Variants in PLCB1 observed in about 807,000 individuals in gnomAD.
The protein encoded by PLCB1 is 1-phosphatidylinositol 4,5-bisphosphate phosphodiesterase beta-1.
Under a neutral mutation model 161.8 loss-of-function variants are expected in PLCB1, and 46 were observed. That is an observed-to-expected ratio of 0.28 (90% CI 0.22 to 0.36). The LOEUF (loss-of-function observed/expected upper bound fraction) is 0.36. Among genes scored for constraint, PLCB1 ranks in the 10% least tolerant of loss-of-function variants. The probability of loss-of-function intolerance (pLI) is 1.00; values close to 1 mark genes in which losing one functional copy is unlikely to be tolerated. For missense variants in PLCB1, 1,016 were observed against 1,472.5 expected, an observed-to-expected ratio of 0.69 and a Z score of 5.07; for synonymous variants, 517 against 503.7, an observed-to-expected ratio of 1.03 and a Z score of -0.35.
intron 4 of PLCB1, among the ~76,000 whole-genome samples, chr20:8,644,455 TG>T (rs1286921308): frequency 6.8e-6 from 1 of 148,136 alleles, no homozygotes; most frequent in African/African-American, 2.5e-5. Context: ...CCGCCCCATC[TG>T]GGATGTGAGG....
intron 2 of PLCB1, among the ~76,000 whole-genome samples, chr20:8,213,967 C>T (rs909768352): frequency 1.1e-4 from 17 of 152,008 alleles, no homozygotes; most frequent in African/African-American, 4.1e-4. Flanking sequence ...TTTAGTGTCA[C>T]AACTAGCAGT....
chr20:8,317,752 T>C (rs1984724943), intron 2 of PLCB1, among the ~76,000 whole-genome samples: 1 of 152,192 alleles, frequency 6.6e-6, no homozygotes, highest in South Asian at 2.1e-4. Context: ...CTAATCATTA[T>C]CCTTATTTCC....
intron 3 of PLCB1, among the ~76,000 whole-genome samples, chr20:8,580,352 T>C (rs561033514): frequency 6.6e-6 from 1 of 152,348 alleles, no homozygotes; most frequent in South Asian, 2.1e-4. Context: ...AGTCATGTAG[T>C]TACGCTGTGA....
At chr20:8,361,774 A>AG (rs775200222) in intron 2 of PLCB1, among the ~76,000 whole-genome samples, 18 of 152,332 alleles carry the variant, frequency 1.2e-4, no homozygotes, top group Admixed American at 2.0e-4. Context: ...GATGATTCAA[A>AG]GGGGAAATCT....
chr20:8,685,185 G>A (rs558995197), intron 10 of PLCB1, 107 bp downstream of exon 10: 21 of 1,091,656 alleles, frequency 1.9e-5, no homozygotes, highest in Middle Eastern at 2.2e-4. Flanking sequence ...CATTTCCTGC[G>A]AAGTGCCTCT....
chr20:8,544,699 C>T (rs373404807), intron 3 of PLCB1, among the ~76,000 whole-genome samples: 3 of 152,168 alleles, frequency 2.0e-5, no homozygotes, highest in Non-Finnish European at 4.4e-5. Flanking sequence ...CTGACACTGC[C>T]TTAACTTCAG....
At chr20:8,177,614 GTAT>G (rs551355156) in intron 2 of PLCB1, among the ~76,000 whole-genome samples, 8 of 151,334 alleles carry the variant, frequency 5.3e-5, no homozygotes, top group Admixed American at 1.3e-4. Flanking sequence ...CAGGGCCCAA[GTAT>G]TATTATTATT....
At chr20:8,434,590 T>C (rs1317613123) in intron 3 of PLCB1, among the ~76,000 whole-genome samples, 1 of 152,198 alleles carries the variant, frequency 6.6e-6, no homozygotes, top group African/African-American at 2.4e-5. Context: ...GCAATTCATA[T>C]CTGTATACCA....
At chr20:8,368,399 G>A (rs970549661) in intron 2 of PLCB1, among the ~76,000 whole-genome samples, 13 of 151,622 alleles carry the variant, frequency 8.6e-5, no homozygotes, top group Non-Finnish European at 1.5e-4. Flanking sequence ...ATTGTGGTGT[G>A]TGCCTGTAAT....
chr20:8,665,830 G>C (rs1989797008), intron 9 of PLCB1, among the ~76,000 whole-genome samples: 1 of 152,058 alleles, frequency 6.6e-6, no homozygotes, highest in Non-Finnish European at 1.5e-5. Flanking sequence ...AAAGAAATAG[G>C]CTGGCATAGT....
chr20:8,689,561 G>T (rs1194992134), intron 10 of PLCB1, among the ~76,000 whole-genome samples: 2 of 151,986 alleles, frequency 1.3e-5, no homozygotes, highest in Non-Finnish European at 1.5e-5. Context: ...TAGTAATCTT[G>T]ATACCTAACA....
intron 3 of PLCB1, among the ~76,000 whole-genome samples, chr20:8,475,187 A>G (rs2122727279): frequency 6.6e-6 from 1 of 152,300 alleles, no homozygotes; most frequent in East Asian, 1.9e-4. Flanking sequence ...GGTACCCAAG[A>G]TATGCCAGTA....
intron 3 of PLCB1, among the ~76,000 whole-genome samples, chr20:8,436,250 A>G (rs566858059): frequency 5.3e-4 from 80 of 151,606 alleles, no homozygotes; most frequent in African/African-American, 1.9e-3. Context: ...ATCAAGAATC[A>G]CTTTAACCTG....
chr20:8,560,785 A>G (rs897596735), intron 3 of PLCB1, among the ~76,000 whole-genome samples: 1 of 151,996 alleles, frequency 6.6e-6, no homozygotes, highest in Non-Finnish European at 1.5e-5. Context: ...GTCTTTGACC[A>G]TATGTGTGTA....
intron 3 of PLCB1, among the ~76,000 whole-genome samples, chr20:8,485,084 T>G (rs1982663979): frequency 1.3e-5 from 2 of 152,222 alleles, no homozygotes; most frequent in African/African-American, 4.8e-5. Context: ...AGACTTGTAT[T>G]GCCAGGAACC....
At chr20:8,221,265 G>C (rs1979393789) in intron 2 of PLCB1, among the ~76,000 whole-genome samples, 1 of 152,080 alleles carries the variant, frequency 6.6e-6, no homozygotes, top group Admixed American at 6.6e-5. Flanking sequence ...TTTTGATTCA[G>C]GACTCGATCA....
chr20:8,513,215 C>G (rs1459554630), intron 3 of PLCB1, among the ~76,000 whole-genome samples: 1 of 152,132 alleles, frequency 6.6e-6, no homozygotes, highest in Non-Finnish European at 1.5e-5. Context: ...AGACAAGAAA[C>G]TTTCAGTAGT....
In PLCB1 at chr20:8,884,466, A is replaced by G. The variant is rs1176813583; in HGVS notation, c.*2617A>G. ...GAATAGCATGGTTTTGGCCATGTAA[A>G]CCAATTTTCAAAGTTCTAATGACAT... is the stretch of plus-strand genomic sequence containing the variant. On this transcript the variant is annotated 3_prime_UTR_variant, in exon 32 of 32. Coordinates refer to ENST00000338037, the MANE Select transcript of PLCB1 (RefSeq NM_015192.4). 2.0e-5 allele frequency: 3 copies of G among 152,562 alleles called. No homozygotes were observed. The highest frequency in any genetic ancestry group is 4.4e-5 in the Non-Finnish European group (3 of 68,024). The allele number at this position is 152,562 out of a possible 1,614,324, so 9.5% of individuals were successfully genotyped here. A position where few individuals can be genotyped will look rare whatever the true frequency, so the allele number is the denominator to read the frequency against.
chr20:8,830,198 C>T (rs930035547), intron 31 of PLCB1, among the ~76,000 whole-genome samples: 1 of 152,174 alleles, frequency 6.6e-6, no homozygotes, highest in African/African-American at 2.4e-5. Flanking sequence ...TCACAGGGAA[C>T]AGCAGATGTA....
Sources: gnomAD v4.1 joint callset for allele counts (sites outside exome capture counted in the v4.1 genomes callset) on GRCh38, gnomAD v4.1.1 for gene constraint, MANE v1.5 for transcripts, NCBI Gene and HGNC (gene_info 2026-07-23, HGNC 2026-07-21) for gene names.